The following UNK variants were observed in gnomAD, a reference collection of about 807,000 sequenced individuals.
The protein encoded by UNK is unk zinc finger.
In UNK, 32 loss-of-function variants were observed where a neutral mutation model predicts 97.6. That is an observed-to-expected ratio of 0.33 (90% CI 0.25 to 0.44). The LOEUF is 0.44. UNK is among the 20% of genes least tolerant of loss of function. UNK has a pLI of 1.00. For missense variants in UNK, 771 were observed against 1,098.4 expected (o/e 0.70, Z 4.21); for synonymous variants, 441 against 461.2 (o/e 0.96, Z 0.56).
rs114406948 is a variant in UNK, at chr17:75,819,344, C to T, written c.1547-340C>T. On this transcript the variant is annotated intron_variant, in intron 11 of 15. Coordinates refer to ENST00000589666, the MANE Select transcript of UNK (RefSeq NM_001080419.3). This position sits in a 1 kb window ranked among gnomAD's most constrained non-coding sequence, Gnocchi z 5.4. ...CAGCCACTGAGTGCCCAGAGACCCGCCCACCCCCACTGATCCCGGGGCTGA... is the reference window on the plus strand; with the variant it reads ...CAGCCACTGAGTGCCCAGAGACCCGTCCACCCCCACTGATCCCGGGGCTGA... 1,479 of 355,552 alleles carry T rather than the reference C, an allele frequency of 4.2e-3. 21 individuals are homozygous for T. Among genetic ancestry groups the T allele is most frequent in the African/African-American group, 0.03 (1,418 of 47,596 alleles). 22.0% of individuals were successfully genotyped at this position (355,552 alleles called of 1,614,324 possible).
chr17:75,793,524 C>T, intron 1 of UNK: 1 of 985,136 alleles, frequency 1.0e-6, no homozygotes. Flanking sequence ...AATCTCACAG[C>T]ATTCTCTGTG....
At position 75,819,123 on chromosome 17, in the gene UNK, G is replaced by A; in HGVS notation, c.1546+307G>A. 1 of 332,916 alleles carries A rather than the reference G, an allele frequency of 3.0e-6. No homozygotes were observed. The highest frequency in any genetic ancestry group is 5.4e-6 in the Non-Finnish European group (1 of 183,720). The allele number at this position is 332,916 out of a possible 1,614,324, so 20.6% of individuals were successfully genotyped here. A position where few individuals can be genotyped will look rare whatever the true frequency, so the allele number is the denominator to read the frequency against. On this transcript the variant is annotated intron_variant, in intron 11 of 15. Coordinates refer to ENST00000589666, the MANE Select transcript of UNK (RefSeq NM_001080419.3). The surrounding 1 kb of genome is among the most constrained non-coding windows in gnomAD (Gnocchi z 5.4). ...CATCTCACTGGTGTCCTTGTGTAGT[G>A]AATGGCCAGCACGACGTTCTCAGAA...
intron 4 of UNK, 31 bp from the exon 5 acceptor site, chr17:75,813,047 C>G (rs1328964437): frequency 6.4e-7 from 1 of 1,564,202 alleles, no homozygotes; most frequent in East Asian, 2.4e-5. Context: ...GCTCCTCTCA[C>G]CTGACCCCTG....
In UNK at chr17:75,817,279, G is replaced by A; in HGVS notation, c.1105-47G>A. On this transcript the variant is annotated intron_variant, in intron 8 of 15. Transcript: ENST00000589666. The surrounding 1 kb of genome is among the most constrained non-coding windows in gnomAD (Gnocchi z 5.8). ...AGGGTGGAGGATGGGCCACGCACCA[G>A]CCTGCGCTGTGCCCACGGGCCCACT... The A allele has an allele frequency of 6.6e-7, 1 of 1,516,132 alleles. No homozygotes were observed. The highest frequency in any genetic ancestry group is 1.4e-5 in the African/African-American group (1 of 72,210). 93.9% of individuals were successfully genotyped at this position (1,516,132 alleles called of 1,614,324 possible).
chr17:75,797,481 C>T (rs958060595), intron 1 of UNK, among the ~76,000 whole-genome samples: 24 of 152,382 alleles, frequency 1.6e-4, no homozygotes, highest in African/African-American at 5.5e-4. Context: ...GCGATCCGCC[C>T]GCCTTGGCTG....
chr17:75,797,691 G>A (rs1344071349), intron 1 of UNK, among the ~76,000 whole-genome samples: 4 of 152,214 alleles, frequency 2.6e-5, no homozygotes, highest in Admixed American at 2.6e-4. Flanking sequence ...AAGTGGCCAG[G>A]AGAGCAGCAG....
chr17:75,812,556 A>T lies in UNK; in HGVS notation c.593A>T (p.Lys198Met). The T allele has an allele frequency of 6.2e-7, 1 of 1,613,212 alleles. No homozygotes were observed. The highest frequency in any genetic ancestry group is 8.5e-7 in the Non-Finnish European group (1 of 1,179,826). The change falls in exon 4 of 16, where the codon AAG (lysine) becomes ATG (methionine). Residue 198 changes from lysine to methionine, a missense_variant. Physicochemically the swap from Lys to Met is moderately conservative, Grantham distance 95. This residue lies in a region of UNK where 246 missense variants were observed against 440.7 expected (regional missense o/e 0.56). Coordinates refer to ENST00000589666, the MANE Select transcript of UNK (RefSeq NM_001080419.3). ...GCTGCGAGCCATGCCATGATAGAAA[A>T]GATCCTCAGCGAGGAGCCTCGGTGG... ...AGAASHAMIE[K>M]ILSEEPRWQE... is the part of the protein sequence containing the mutation.
In UNK at chr17:75,823,267, T is replaced by C. The variant is rs140955133; in HGVS notation, c.2022T>C (p.Ala674=). ...WEESWKQAKQ[A]CDAWKKEAEE... Reference sequence around the variant, plus strand: ...GAGACTGTATGCTGGCCCCACAGGCTTGTGATGCCTGGAAGAAAGAGGCGG... The same window carrying C: ...GAGACTGTATGCTGGCCCCACAGGCCTGTGATGCCTGGAAGAAAGAGGCGG... Residue 674 remains alanine (A), a splice_region_variant and synonymous_variant, in exon 15 of 16, where the codon GCT becomes GCC. Coordinates refer to ENST00000589666, the MANE Select transcript of UNK (RefSeq NM_001080419.3). 9,931 of 1,599,940 alleles carry C rather than the reference T, an allele frequency of 6.2e-3. 50 individuals are homozygous for C. Among genetic ancestry groups the C allele is most frequent in the Non-Finnish European group, 7.6e-3 (8,910 of 1,170,580 alleles).
Position 75,823,513 on chromosome 17 carries a change from A to G in UNK, c.2268A>G (p.Gln756=). 6.4e-7 allele frequency: 1 copy of G among 1,560,088 alleles called. No homozygotes were observed. Among genetic ancestry groups the G allele is most frequent in the Non-Finnish European group, 8.7e-7 (1 of 1,146,870 alleles). Residue 756 remains glutamine, a synonymous_variant, in exon 15 of 16, where the codon CAA becomes CAG. Transcript: ENST00000589666. ...LQKQLRAHLE[Q]VDKAVFHMQS... is the part of the protein sequence containing the mutation. ...AACAACTGCGGGCCCACCTGGAACAAGTGGACAAGGTCAGCCCAGGTCGGG... is the reference window on the plus strand; with the variant it reads ...AACAACTGCGGGCCCACCTGGAACAGGTGGACAAGGTCAGCCCAGGTCGGG...
Position 75,816,067 on chromosome 17 carries a change from T to C in UNK, c.962-703T>C, listed in dbSNP as rs757784303. Among the ~76,000 whole-genome samples, 1 of 152,218 alleles carries C rather than the reference T, an allele frequency of 6.6e-6. No individual in the cohort carries two copies. The highest frequency in any genetic ancestry group is 1.5e-5 in the Non-Finnish European group (1 of 68,030). ...AAGTCTATGAGATCTGATAGCATTT[T>C]AATGCCTACGGGATATTTCCATTCA... On this transcript the variant is annotated intron_variant, in intron 7 of 15. Transcript: ENST00000589666. The surrounding 1 kb of genome is among the most constrained non-coding windows in gnomAD (Gnocchi z 4.0).
intron 1 of UNK, among the ~76,000 whole-genome samples, chr17:75,802,147 C>T (rs1236138034): frequency 6.6e-6 from 1 of 151,028 alleles, no homozygotes; most frequent in African/African-American, 2.4e-5. Flanking sequence ...TGCGCCTGAC[C>T]TAAAAATTTT....
intron 1 of UNK, chr17:75,792,090 G>A (rs772947649): frequency 2.1e-5 from 21 of 980,270 alleles, no homozygotes; most frequent in Non-Finnish European, 2.5e-5. Flanking sequence ...GCCACAGCCT[G>A]AGCAGCACAG....
Position 75,813,819 on chromosome 17 carries a change from G to C in UNK, c.817G>C (p.Glu273Gln). 6.3e-7 allele frequency: 1 copy of C among 1,598,798 alleles called. No homozygotes were observed. Among genetic ancestry groups the C allele is most frequent in the Non-Finnish European group, 8.5e-7 (1 of 1,173,608 alleles). ...GDEWGDPGKCENGDACQYCHT... is the reference protein window; with the variant it reads ...GDEWGDPGKCQNGDACQYCHT... ...TGAGTGGGGAGACCCTGGCAAGTGT[G>C]AGAACGGAGACGCCTGCCAGTACTG... The change falls in exon 6 of 16, where the codon GAG (glutamate) becomes CAG (glutamine). Residue 273 changes from glutamate (E) to glutamine (Q), a missense_variant. Around this residue, in one of 5 missense-constraint regions of UNK, gnomAD observed 246 missense variants for 440.7 expected, o/e 0.56. Transcript: ENST00000589666.
At chr17:75,800,628 T>A (rs2061847883) in intron 1 of UNK, among the ~76,000 whole-genome samples, 1 of 150,948 alleles carries the variant, frequency 6.6e-6, no homozygotes, top group Non-Finnish European at 1.5e-5. Flanking sequence ...TCCCAGCTAC[T>A]CGGGAGGCTG....
intron 1 of UNK, among the ~76,000 whole-genome samples, chr17:75,787,136 T>TC (rs2061719718): frequency 6.6e-6 from 1 of 152,182 alleles, no homozygotes; most frequent in Non-Finnish European, 1.5e-5. Flanking sequence ...GAAAACTTCA[T>TC]CCCCTAGTCC....
At position 75,818,072 on chromosome 17, in the gene UNK, A is replaced by G; in HGVS notation, c.1306-31A>G. Reference sequence around the variant, plus strand: ...GGACTCAGGGACCCCCCAGCACCACATTCATCCACTCCCTGAATTTTCTCT... The same window carrying G: ...GGACTCAGGGACCCCCCAGCACCACGTTCATCCACTCCCTGAATTTTCTCT... On this transcript the variant is annotated intron_variant, in intron 9 of 15. Coordinates refer to ENST00000589666, the MANE Select transcript of UNK (RefSeq NM_001080419.3). The surrounding 1 kb of genome is among the most constrained non-coding windows in gnomAD (Gnocchi z 5.1). 6.2e-7 allele frequency: 1 copy of G among 1,611,486 alleles called. No individual in the cohort carries two copies. Among genetic ancestry groups the G allele is most frequent in the Non-Finnish European group, 8.5e-7 (1 of 1,178,612 alleles).
chr17:75,818,536 A>G lies in UNK; in HGVS notation c.1372-106A>G. 7.6e-7 allele frequency: 1 copy of G among 1,317,764 alleles called. No homozygotes were observed. The highest frequency in any genetic ancestry group is 1.0e-6 in the Non-Finnish European group (1 of 975,880). The allele number at this position is 1,317,764 out of a possible 1,614,324, so 81.6% of individuals were successfully genotyped here. Reference sequence around the variant, plus strand: ...GTGGGCATGGGGGCACCCGGACTAGAGCTAGCACGGGCCATTTCCCTTGCC... The same window carrying G: ...GTGGGCATGGGGGCACCCGGACTAGGGCTAGCACGGGCCATTTCCCTTGCC... On this transcript the variant is annotated intron_variant, in intron 10 of 15. Transcript: ENST00000589666. This position sits in a 1 kb window ranked among gnomAD's most constrained non-coding sequence, Gnocchi z 5.1.
chr17:75,787,260 A>C, intron 1 of UNK, among the ~76,000 whole-genome samples: 1 of 152,118 alleles, frequency 6.6e-6, no homozygotes, highest in East Asian at 1.9e-4. Context: ...CATCCAGGCT[A>C]TAGTGCAGTG....
At chr17:75,821,761 C>T (rs1022654289) in intron 13 of UNK, 6 of 455,920 alleles carry the variant, frequency 1.3e-5, no homozygotes, top group African/African-American at 1.2e-4. Context: ...GCCCTGGGGG[C>T]CAGAGCAGGG....
Sources: gnomAD v4.1 joint callset for allele counts (sites outside exome capture counted in the v4.1 genomes callset) on GRCh38, gnomAD v4.1.1 for gene constraint, gnomAD v4.1.1 regional missense constraint, Gnocchi (gnomAD v3.1) non-coding constraint, MANE v1.5 for transcripts, NCBI Gene and HGNC (gene_info 2026-07-23, HGNC 2026-07-21) for gene names.